The following ZMIZ1 variants were observed in gnomAD, a reference collection of about 807,000 sequenced individuals.
The protein encoded by ZMIZ1 is zinc finger MIZ domain-containing protein 1.
Under a neutral mutation model 113.9 loss-of-function variants are expected in ZMIZ1, and 17 were observed. The ratio of observed to expected loss-of-function variants is 0.15; its 90% CI spans 0.10 to 0.22. The LOEUF is 0.22. ZMIZ1 is among the 10% of genes least tolerant of loss of function. The pLI is 1.00. For missense variants in ZMIZ1, 1,059 were observed against 1,477.8 expected (o/e 0.72, Z 4.65); for synonymous variants, 607 against 603.1 (o/e 1.01, Z -0.09).
chr10:79,194,493 G>A (rs1847751215), intron 4 of ZMIZ1, among the ~76,000 whole-genome samples: 1 of 152,212 alleles, frequency 6.6e-6, no homozygotes. Context: ...ATTTCTGTGG[G>A]GCAGCTAGAA....
chr10:79,217,117 A>C (rs1006111646), intron 7 of ZMIZ1, among the ~76,000 whole-genome samples: 6 of 152,186 alleles, frequency 3.9e-5, no homozygotes, highest in Non-Finnish European at 8.8e-5. Context: ...GGGTCATTGT[A>C]AGTGCTAGAA....
rs565819472 is a variant in ZMIZ1 at position 79,237,689 on chromosome 10, C to G, written c.280+21415C>G. 1.7e-4 allele frequency among the ~76,000 whole-genome samples: 26 copies of G among 152,336 alleles called. 2 individuals are homozygous for G. In the South Asian group the frequency reaches 5.4e-3, roughly 32 times the overall value. ...GCCCACCCTAATGACCTCATCTTAA[C>G]GTGGTCATCTGCAAAGGCCCTACTT... is the stretch of plus-strand genomic sequence containing the variant. On this transcript the variant is annotated intron_variant, in intron 7 of 24. Transcript: ENST00000334512.
At chr10:79,311,599 C>A (rs1356913768) in intron 24 of ZMIZ1, among the ~76,000 whole-genome samples, 1 of 152,014 alleles carries the variant, frequency 6.6e-6, no homozygotes, top group Non-Finnish European at 1.5e-5. Context: ...TGTCTGTCTC[C>A]AGTTTTCTTG....
chr10:79,292,059 T>C, intron 10 of ZMIZ1, 99 bp from the exon 11 acceptor site: 2 of 1,219,788 alleles, frequency 1.6e-6, no homozygotes, highest in African/African-American at 1.5e-5. Context: ...CTCTAGGTTC[T>C]GGGTACAGCT....
chr10:79,307,660 G>A, intron 23 of ZMIZ1, 89 bp downstream of exon 23: 2 of 1,441,560 alleles, frequency 1.4e-6, no homozygotes, highest in Non-Finnish European at 9.4e-7. Flanking sequence ...CCCAGGCAAG[G>A]CAGAGGATGA....
At chr10:79,125,301 A>C (rs1242420643) in intron 2 of ZMIZ1, among the ~76,000 whole-genome samples, 1 of 152,236 alleles carries the variant, frequency 6.6e-6, no homozygotes, top group Non-Finnish European at 1.5e-5. Flanking sequence ...CAGTGGGATC[A>C]GAGAGGCTCA....
chr10:79,306,632 T>TA (rs1271465627), intron 22 of ZMIZ1, among the ~76,000 whole-genome samples: 1 of 152,180 alleles, frequency 6.6e-6, no homozygotes, highest in African/African-American at 2.4e-5. Flanking sequence ...TTTTCTGTGA[T>TA]ATCTACATTT....
chr10:79,298,267 A>G lies in ZMIZ1; in HGVS notation c.1492-139A>G, dbSNP rs1854040684. On this transcript the variant is annotated intron_variant, in intron 14 of 24. Coordinates refer to ENST00000334512, the MANE Select transcript of ZMIZ1 (RefSeq NM_020338.4). ...AGCAGGACAGAGATCTGCGAGAGAG[A>G]AGAGTTTCCCTGGAGGAGGCTCTCC... 3 of 964,100 alleles carry G rather than the reference A, an allele frequency of 3.1e-6. No individual in the cohort carries two copies. In the Admixed American group the frequency reaches 8.0e-5, roughly 26 times the overall value. The allele number at this position is 964,100 out of a possible 1,614,324, so 59.7% of individuals were successfully genotyped here. A position where few individuals can be genotyped will look rare whatever the true frequency, so the allele number is the denominator to read the frequency against.
At chr10:79,114,938 A>T (rs539818557) in intron 1 of ZMIZ1, among the ~76,000 whole-genome samples, 1 of 152,206 alleles carries the variant, frequency 6.6e-6, no homozygotes, top group African/African-American at 2.4e-5. Flanking sequence ...AACTTTCCAG[A>T]TGCAGAGCAT....
intron 1 of ZMIZ1, among the ~76,000 whole-genome samples, chr10:79,073,946 G>A (rs571371371): frequency 1.3e-4 from 20 of 152,256 alleles, no homozygotes; most frequent in African/African-American, 4.8e-4. Flanking sequence ...TGTTCCTCAG[G>A]AGCCCACAGT....
chr10:79,122,524 A>G (rs1844340816), intron 2 of ZMIZ1, among the ~76,000 whole-genome samples: 1 of 151,194 alleles, frequency 6.6e-6, no homozygotes, highest in African/African-American at 2.4e-5. Context: ...CCTTGCCCAC[A>G]CTCCCATCTC....
At chr10:79,240,396 T>C (rs987133739) in intron 7 of ZMIZ1, among the ~76,000 whole-genome samples, 2 of 151,920 alleles carry the variant, frequency 1.3e-5, no homozygotes, top group Non-Finnish European at 2.9e-5. Context: ...AGAAGTGGAG[T>C]TGGAACTCGG....
intron 7 of ZMIZ1, among the ~76,000 whole-genome samples, chr10:79,241,379 G>A (rs768940583): frequency 6.6e-6 from 1 of 152,170 alleles, no homozygotes. Flanking sequence ...ATGTCTCAGT[G>A]AGTAAATGAC....
At chr10:79,093,161 C>CACACACAT (rs1564645813) in intron 1 of ZMIZ1, among the ~76,000 whole-genome samples, 2 of 144,018 alleles carry the variant, frequency 1.4e-5, no homozygotes, top group African/African-American at 5.0e-5. Flanking sequence ...CACACACACA[C>CACACACAT]ACACACACAC....
At chr10:79,266,240 G>T (rs1851594431) in intron 7 of ZMIZ1, among the ~76,000 whole-genome samples, 1 of 152,206 alleles carries the variant, frequency 6.6e-6, no homozygotes, top group African/African-American at 2.4e-5. Flanking sequence ...GAGGCAGGCA[G>T]GAGGCACAGA....
intron 3 of ZMIZ1, among the ~76,000 whole-genome samples, chr10:79,145,703 G>T (rs1188854880): frequency 6.6e-6 from 1 of 152,156 alleles, no homozygotes; most frequent in Non-Finnish European, 1.5e-5. Context: ...GGAGGGAGGG[G>T]CTTGGCCAGA....
intron 1 of ZMIZ1, among the ~76,000 whole-genome samples, chr10:79,104,772 A>G (rs10824717): frequency 0.25 from 37,539 of 152,056 alleles, 4,777 homozygotes; most frequent in Non-Finnish European, 0.28. Flanking sequence ...TGGCCACGGC[A>G]CTCTGAGCAT....
intron 1 of ZMIZ1, among the ~76,000 whole-genome samples, chr10:79,104,778 A>G (rs1278669309): frequency 1.3e-5 from 2 of 152,148 alleles, no homozygotes; most frequent in Non-Finnish European, 2.9e-5. Context: ...CGGCACTCTG[A>G]GCATCAGCCT....
chr10:79,305,350 G>A (rs1277065322), intron 20 of ZMIZ1, 119 bp downstream of exon 20: 1 of 1,307,038 alleles, frequency 7.7e-7, no homozygotes, highest in Non-Finnish European at 1.1e-6. Flanking sequence ...CATGGCAGAG[G>A]GGCTCAGGTT....
Sources: allele counts gnomAD v4.1 joint callset (sites outside exome capture counted in the v4.1 genomes callset), GRCh38; gene constraint gnomAD v4.1.1; transcripts MANE v1.5; gene names NCBI Gene and HGNC (gene_info 2026-07-23, HGNC 2026-07-21).